ZNF236: variants seen among roughly 807,000 people sequenced by gnomAD.
ZNF236 encodes regulated by glucose.
Under a neutral mutation model 191.2 loss-of-function variants are expected in ZNF236, and 50 were observed. The observed-to-expected ratio is 0.26, with a 90% confidence interval of 0.21 to 0.33. The LOEUF (loss-of-function observed/expected upper bound fraction) is 0.33, where lower values mean the gene tolerates loss of function less well. Ranked by LOEUF, ZNF236 falls within the 10% of genes least tolerant of loss-of-function variation. The probability of loss-of-function intolerance (pLI) is 1.00; values close to 1 mark genes in which losing one functional copy is unlikely to be tolerated. For synonymous variants in ZNF236, 907 were observed against 928.8 expected, an observed-to-expected ratio of 0.98 and a Z score of 0.43; for missense variants, 1,754 against 2,374.5, an observed-to-expected ratio of 0.74 and a Z score of 5.43.
chr18:76,935,869 G>A, intron 25 of ZNF236: 1 of 431,458 alleles, frequency 2.3e-6, no homozygotes, highest in Non-Finnish European at 4.7e-6. Flanking sequence ...CCAGCACTCT[G>A]TGCGGATGCT....
At chr18:76,938,699 A>G (rs1317185416) in intron 26 of ZNF236, among the ~76,000 whole-genome samples, 1 of 152,092 alleles carries the variant, frequency 6.6e-6, no homozygotes, top group Non-Finnish European at 1.5e-5. Context: ...CTGCACAGCC[A>G]CTACCCTCTT....
Position 76,970,956 on chromosome 18 carries a change from C to A in ZNF236, c.*2617C>A, listed in dbSNP as rs551496723. 5.9e-5 allele frequency among the ~76,000 whole-genome samples: 9 copies of A among 152,388 alleles called. No homozygotes were observed. In the South Asian group the frequency reaches 1.7e-3, roughly 28 times the overall value. On this transcript the variant is annotated 3_prime_UTR_variant, in exon 31 of 31. Coordinates refer to ENST00000320610, the MANE Select transcript of ZNF236 (RefSeq NM_001306089.2). ...GTGGGCGTCAGCACAGTGCCCTGTG[C>A]ATGTGTCAGAACTGTTCCTGTTCCC... is the stretch of plus-strand genomic sequence containing the variant.
intron 25 of ZNF236, among the ~76,000 whole-genome samples, chr18:76,932,311 G>T (rs1967876129): frequency 6.6e-6 from 1 of 152,210 alleles, no homozygotes; most frequent in African/African-American, 2.4e-5. Flanking sequence ...GGCCCATGGT[G>T]GCCTTTAGCT....
At chr18:76,899,318 A>C in intron 11 of ZNF236, 96 bp downstream of exon 11, 3 of 1,127,914 alleles carry the variant, frequency 2.7e-6, no homozygotes, top group Non-Finnish European at 2.5e-6. Context: ...TCTGTAGTTA[A>C]ATAGTTTTTT....
intron 1 of ZNF236, among the ~76,000 whole-genome samples, chr18:76,843,227 C>T (rs1415961526): frequency 6.6e-6 from 1 of 151,888 alleles, no homozygotes; most frequent in Non-Finnish European, 1.5e-5. Context: ...ATGTGGGAAT[C>T]AGATAAACTG....
intron 21 of ZNF236, 51 bp downstream of exon 21, chr18:76,923,225 G>C (rs557648348): frequency 1.6e-6 from 2 of 1,252,398 alleles, no homozygotes; most frequent in Non-Finnish European, 1.2e-6. Flanking sequence ...ATAGCATTTC[G>C]TATGTTTTGT....
intron 28 of ZNF236, 32 bp downstream of exon 28, chr18:76,956,214 GC>G (rs1483843183): frequency 3.9e-6 from 6 of 1,539,556 alleles, no homozygotes; most frequent in Admixed American, 3.9e-5. Flanking sequence ...ACAGCTGTGT[GC>G]CCCCCAGGCG....
At chr18:76,855,684 C>T (rs993677209) in intron 3 of ZNF236, among the ~76,000 whole-genome samples, 2 of 152,002 alleles carry the variant, frequency 1.3e-5, no homozygotes, top group Non-Finnish European at 2.9e-5. Context: ...ATATTTTTGT[C>T]GATGTTTGAG....
At chr18:76,959,152 G>A (rs1223101765) in intron 28 of ZNF236, among the ~76,000 whole-genome samples, 1 of 152,216 alleles carries the variant, frequency 6.6e-6, no homozygotes, top group Non-Finnish European at 1.5e-5. Flanking sequence ...AGCCTCTGTC[G>A]TATCACCGGG....
intron 11 of ZNF236, among the ~76,000 whole-genome samples, chr18:76,902,741 T>C (rs1356779868): frequency 2.0e-5 from 3 of 148,572 alleles, no homozygotes; most frequent in Non-Finnish European, 4.5e-5. Context: ...CTGGTAATTT[T>C]TGTATTTTTT....
chr18:76,824,127 C>G (rs1190373802), intron 1 of ZNF236: 3 of 578,826 alleles, frequency 5.2e-6, no homozygotes, highest in Non-Finnish European at 9.3e-6. Context: ...GAGCTTGTGA[C>G]CAAACAACAC....
intron 1 of ZNF236, among the ~76,000 whole-genome samples, chr18:76,836,731 C>A (rs1005193799): frequency 6.6e-6 from 1 of 151,992 alleles, no homozygotes; most frequent in African/African-American, 2.4e-5. Context: ...GCGCCCGCCA[C>A]CACGCCTGGC....
At chr18:76,926,974 A>G (rs1967714209) in intron 22 of ZNF236, 63 bp from the exon 23 acceptor site, 1 of 1,546,462 alleles carries the variant, frequency 6.5e-7, no homozygotes, top group African/African-American at 1.4e-5. Context: ...TAAAAAATGA[A>G]TTACTTTAGT....
chr18:76,892,529 A>G (rs1359558699), intron 9 of ZNF236, among the ~76,000 whole-genome samples: 2 of 151,950 alleles, frequency 1.3e-5, no homozygotes, highest in Admixed American at 1.3e-4. Flanking sequence ...CATGTTGAAG[A>G]TGAGTATATA....
chr18:76,895,445 C>T (rs1205257728), intron 10 of ZNF236, 160 bp downstream of exon 10: 2 of 1,053,400 alleles, frequency 1.9e-6, no homozygotes, highest in Non-Finnish European at 2.7e-6. Context: ...CACAGTACTG[C>T]ACGTAAGTGT....
chr18:76,849,448 A>T, intron 1 of ZNF236, 78 bp from the exon 2 acceptor site: 1 of 1,278,390 alleles, frequency 7.8e-7, no homozygotes, highest in Middle Eastern at 2.6e-4. Context: ...TTTTTAAACA[A>T]TAACCAATAA....
intron 1 of ZNF236, among the ~76,000 whole-genome samples, chr18:76,828,675 A>G (rs560588943): frequency 2.6e-5 from 4 of 151,888 alleles, no homozygotes; most frequent in African/African-American, 7.2e-5. Context: ...GTATGTGTTT[A>G]TTTATTTTGG....
At chr18:76,964,794 C>T (rs962211258) in intron 30 of ZNF236, among the ~76,000 whole-genome samples, 3 of 152,246 alleles carry the variant, frequency 2.0e-5, no homozygotes, top group East Asian at 3.9e-4. Flanking sequence ...TGTTGGACAA[C>T]GCCTTTTATC....
chr18:76,830,028 G>A (rs1037387903), intron 1 of ZNF236, among the ~76,000 whole-genome samples: 3 of 152,082 alleles, frequency 2.0e-5, no homozygotes, highest in Non-Finnish European at 4.4e-5. Context: ...GCGCCACCAC[G>A]CCTGGCTAAT....
Sources: gnomAD v4.1 joint callset for allele counts (sites outside exome capture counted in the v4.1 genomes callset) on GRCh38, gnomAD v4.1.1 for gene constraint, MANE v1.5 for transcripts, NCBI Gene and HGNC (gene_info 2026-07-23, HGNC 2026-07-21) for gene names.